The following KNL1 variants were observed in gnomAD, a reference collection of about 807,000 sequenced individuals.
KNL1 encodes kinetochore scaffold 1.
KNL1 carries 66 observed loss-of-function variants against 201.3 expected under a neutral mutation model. That is an observed-to-expected ratio of 0.33 (90% CI 0.27 to 0.40). KNL1 has a LOEUF of 0.40. Among genes scored for constraint, KNL1 ranks in the 10% least tolerant of loss-of-function variants. KNL1 has a pLI of 1.00. For missense variants in KNL1, 2,815 were observed against 2,690.5 expected, an observed-to-expected ratio of 1.05 and a Z score of -1.02; for synonymous variants, 895 against 899.2, an observed-to-expected ratio of 1.00 and a Z score of 0.08.
At chr15:40,614,542 T>G (rs1892280306) in intron 7 of KNL1, among the ~76,000 whole-genome samples, 1 of 152,196 alleles carries the variant, frequency 6.6e-6, no homozygotes, top group Non-Finnish European at 1.5e-5. Context: ...CTATTCCCTC[T>G]TCTTCAGGTG....
intron 25 of KNL1, among the ~76,000 whole-genome samples, 187 bp downstream of exon 25, chr15:40,659,648 G>A (rs547292684): frequency 2.0e-5 from 3 of 151,058 alleles, no homozygotes; most frequent in Non-Finnish European, 4.4e-5. Context: ...GCCTGCCACC[G>A]CACCCGGCTA....
Position 40,624,213 on chromosome 15 carries a change from G to T in KNL1, c.3949G>T (p.Gly1317Cys). 6.2e-7 allele frequency: 1 copy of T among 1,613,868 alleles called. No individual in the cohort carries two copies. The highest frequency in any genetic ancestry group is 8.5e-7 in the Non-Finnish European group (1 of 1,179,906). The change falls in exon 10 of 26, where the codon GGT (glycine) becomes TGT (cysteine). Residue 1317 changes from glycine (G) to cysteine (C), a missense_variant. Around this residue, in one of 3 missense-constraint regions of KNL1, gnomAD observed 2,464 missense variants for 2,291.7 expected, o/e 1.08. Transcript: ENST00000399668. ...NVISCTDNLE[G>C]SAMLLCDKDE... Reference sequence around the variant, plus strand: ...TATTTCCTGTACTGATAATTTGGAGGGTAGTGCCATGCTCTTATGTGATAA... The same window carrying T: ...TATTTCCTGTACTGATAATTTGGAGTGTAGTGCCATGCTCTTATGTGATAA...
chr15:40,609,152 A>G (rs1892073789), intron 5 of KNL1, among the ~76,000 whole-genome samples: 1 of 151,994 alleles, frequency 6.6e-6, no homozygotes, highest in African/African-American at 2.4e-5. Flanking sequence ...TCACGCCTGT[A>G]ATCCCAGCAC....
In KNL1 at chr15:40,631,700, CAA is replaced by C. The variant is rs1892915904; in HGVS notation, c.5682+2333_5682+2334del. Among the ~76,000 whole-genome samples, 4 of 152,044 alleles carry C rather than the reference CAA, an allele frequency of 2.6e-5. No individual in the cohort carries two copies. In the South Asian group the frequency reaches 8.3e-4, roughly 32 times the overall value. On this transcript the variant is annotated intron_variant, in intron 13 of 25. Coordinates refer to ENST00000399668, the MANE Select transcript of KNL1 (RefSeq NM_144508.5). Reference sequence around the variant, plus strand: ...AAAGTAGAGCTAATGAAATAGAAAACAAAAATTGTTGGAGAGGATAAATCCAG... The same window carrying C: ...AAAGTAGAGCTAATGAAATAGAAAACAAATTGTTGGAGAGGATAAATCCAG...
At chr15:40,617,506 G>A (rs747092227) in intron 8 of KNL1, among the ~76,000 whole-genome samples, 6 of 151,980 alleles carry the variant, frequency 3.9e-5, no homozygotes, top group South Asian at 2.1e-4. Flanking sequence ...TATGTTTGCC[G>A]CCAGCTCCTT....
chr15:40,599,122 T>A (rs188085583), intron 1 of KNL1, among the ~76,000 whole-genome samples: 3,192 of 149,932 alleles, frequency 0.021, 96 homozygotes, highest in African/African-American at 0.069. Flanking sequence ...AAAAAAAAAT[T>A]TTTTTTAAAC....
chr15:40,632,806 G>A (rs1239774778), intron 13 of KNL1, among the ~76,000 whole-genome samples: 1 of 151,668 alleles, frequency 6.6e-6, no homozygotes, highest in Non-Finnish European at 1.5e-5. Flanking sequence ...GATTGCTTGA[G>A]CTCAGGAGTT....
At position 40,650,285 on chromosome 15, in the gene KNL1, A is replaced by G; in HGVS notation, c.6095-16A>G. The G allele has an allele frequency of 6.6e-7, 1 of 1,508,244 alleles. No individual in the cohort carries two copies. The highest frequency in any genetic ancestry group is 9.2e-7 in the Non-Finnish European group (1 of 1,087,262). The allele number at this position is 1,508,244 out of a possible 1,614,324, so 93.4% of individuals were successfully genotyped here. On this transcript the variant is annotated splice_polypyrimidine_tract_variant and intron_variant, in intron 17 of 25. Coordinates refer to ENST00000399668, the MANE Select transcript of KNL1 (RefSeq NM_144508.5). ...ATTTTTCACTGAATTATTCTAACAA[A>G]TACTGTCTACTTTAGAAACTAAGAA...
Position 40,620,788 on chromosome 15 carries a change from C to G in KNL1, c.524C>G (p.Thr175Ser), listed in dbSNP as rs1460106775. 6.2e-7 allele frequency: 1 copy of G among 1,613,246 alleles called. No homozygotes were observed. The highest frequency in any genetic ancestry group is 1.7e-5 in the Admixed American group (1 of 59,790). ...LLDNPISEKS[T>S]KIDTTSFLAN... ...GATAATCCCATAAGTGAAAAGTCCACCAAGATAGATACCACATCATTTCTA... is the reference window on the plus strand; with the variant it reads ...GATAATCCCATAAGTGAAAAGTCCAGCAAGATAGATACCACATCATTTCTA... The change falls in exon 10 of 26, where the codon ACC (threonine) becomes AGC (serine). Residue 175 changes from threonine to serine, a missense_variant. Physicochemically the swap from Thr to Ser is moderately conservative, Grantham distance 58 (BLOSUM62 1). Coordinates refer to ENST00000399668, the MANE Select transcript of KNL1 (RefSeq NM_144508.5).
intron 8 of KNL1, among the ~76,000 whole-genome samples, chr15:40,618,514 A>C (rs1002110575): frequency 6.6e-6 from 1 of 152,058 alleles, no homozygotes; most frequent in African/African-American, 2.4e-5. Flanking sequence ...AAAAATAGAG[A>C]AGTGAATAAT....
chr15:40,594,737 C>G, intron 1 of KNL1, among the ~76,000 whole-genome samples: 1 of 152,182 alleles, frequency 6.6e-6, no homozygotes, highest in East Asian at 1.9e-4. Context: ...TCTTGCACCC[C>G]TGCCGCTCTT....
At chr15:40,654,640 T>C (rs1182541614) in intron 21 of KNL1, among the ~76,000 whole-genome samples, 2 of 147,648 alleles carry the variant, frequency 1.4e-5, no homozygotes, top group Admixed American at 6.7e-5. Flanking sequence ...GAAGCTGAGG[T>C]AGGCGGATCA....
chr15:40,632,700 A>G (rs1892947631), intron 13 of KNL1, among the ~76,000 whole-genome samples: 1 of 152,082 alleles, frequency 6.6e-6, no homozygotes, highest in Non-Finnish European at 1.5e-5. Context: ...TATATAAAGA[A>G]CTCTTACAAC....
intron 13 of KNL1, among the ~76,000 whole-genome samples, chr15:40,631,564 C>T (rs919745552): frequency 1.3e-5 from 2 of 152,112 alleles, no homozygotes; most frequent in African/African-American, 4.8e-5. Flanking sequence ...GTCCACCCAC[C>T]TTGGCCTCCT....
intron 9 of KNL1, among the ~76,000 whole-genome samples, chr15:40,620,291 C>T (rs911095750): frequency 5.8e-4 from 88 of 151,918 alleles, no homozygotes; most frequent in African/African-American, 1.6e-3. Context: ...CTGCAAGCTC[C>T]GCCTCCCAGG....
At position 40,650,393 on chromosome 15, in the gene KNL1, T is replaced by C; in HGVS notation, c.6172+15T>C. 6.2e-7 allele frequency: 1 copy of C among 1,600,042 alleles called. No homozygotes were observed. The highest frequency in any genetic ancestry group is 8.6e-7 in the Non-Finnish European group (1 of 1,167,516). On this transcript the variant is annotated intron_variant, in intron 18 of 25. Transcript: ENST00000399668. ...TGCAGAAAAAGGTAATTGAATTAGT[T>C]AAGGAGATAAATGGGTGTGGGGGAA...
At chr15:40,614,169 C>G (rs1479118001) in intron 7 of KNL1, among the ~76,000 whole-genome samples, 1 of 147,432 alleles carries the variant, frequency 6.8e-6, no homozygotes, top group Non-Finnish European at 1.5e-5. Flanking sequence ...CTAATCTTGG[C>G]TCACTGCAAC....
At chr15:40,639,771 C>CAAAAAAAA (rs911155384) in intron 13 of KNL1, among the ~76,000 whole-genome samples, 1 of 138,406 alleles carries the variant, frequency 7.2e-6, no homozygotes, top group African/African-American at 2.7e-5. Context: ...GACCCCATCT[C>CAAAAAAAA]AAAAAAAAAA....
intron 21 of KNL1, among the ~76,000 whole-genome samples, chr15:40,653,872 GT>G (rs34150314): frequency 0.36 from 54,494 of 151,828 alleles, 10,416 homozygotes; most frequent in Non-Finnish European, 0.44. Flanking sequence ...CCCGAACGCT[GT>G]TTTCCCCCAC....
Sources: gnomAD v4.1 joint callset for allele counts (sites outside exome capture counted in the v4.1 genomes callset) on GRCh38, gnomAD v4.1.1 for gene constraint, gnomAD v4.1.1 regional missense constraint, MANE v1.5 for transcripts, NCBI Gene and HGNC (gene_info 2026-07-23, HGNC 2026-07-21) for gene names.